The following CATSPERE variants were observed in gnomAD, a reference collection of about 807,000 sequenced individuals.
CATSPERE encodes catsper channel auxiliary subunit epsilon.
In CATSPERE, 93 loss-of-function variants were observed where a neutral mutation model predicts 114.1. That is an observed-to-expected ratio of 0.81 (90% CI 0.69 to 0.97). CATSPERE has a LOEUF of 0.97. CATSPERE is among the 50% of genes least tolerant of loss of function. CATSPERE has a pLI of 0.00. For synonymous variants in CATSPERE, 341 were observed against 384.1 expected, an observed-to-expected ratio of 0.89 and a Z score of 1.31; for missense variants, 1,058 against 1,131.6, an observed-to-expected ratio of 0.93 and a Z score of 0.93.
intron 19 of CATSPERE, among the ~76,000 whole-genome samples, chr1:244,611,982 TG>T (rs1190596073): frequency 1.3e-5 from 2 of 152,190 alleles, no homozygotes; most frequent in Non-Finnish European, 2.9e-5. Flanking sequence ...AGGTCTTGGT[TG>T]GGGCCCAAAA....
At chr1:244,632,338 G>A (rs1452082934) in intron 20 of CATSPERE, among the ~76,000 whole-genome samples, 1 of 137,242 alleles carries the variant, frequency 7.3e-6, no homozygotes. Context: ...AGGTTGCAGT[G>A]AGGCAAGATC....
intron 17 of CATSPERE, among the ~76,000 whole-genome samples, chr1:244,602,592 A>T (rs533720627): frequency 6.6e-6 from 1 of 152,314 alleles, no homozygotes; most frequent in East Asian, 1.9e-4. Flanking sequence ...TCTAGCTGGG[A>T]ACCCAAGTCA....
At chr1:244,551,440 A>ATATG (rs1558479085) in intron 8 of CATSPERE, among the ~76,000 whole-genome samples, 2 of 152,248 alleles carry the variant, frequency 1.3e-5, no homozygotes, top group Admixed American at 6.5e-5. Flanking sequence ...AAATTTATGT[A>ATATG]TATGTATGTA....
intron 8 of CATSPERE, among the ~76,000 whole-genome samples, chr1:244,528,554 G>A (rs779530406): frequency 6.6e-6 from 1 of 151,902 alleles, no homozygotes; most frequent in Non-Finnish European, 1.5e-5. Context: ...GGGTTTATGA[G>A]ATTATGATAT....
rs1183489431 is a variant in CATSPERE, at chr1:244,610,343, C to T, written c.2490+17C>T. On this transcript the variant is annotated intron_variant, in intron 19 of 21. Transcript: ENST00000366534. Reference sequence around the variant, plus strand: ...GGACCTGAGGTAAGAGAAACATTACCTTCCAGATTGTTTATTTGGAATAAC... The same window carrying T: ...GGACCTGAGGTAAGAGAAACATTACTTTCCAGATTGTTTATTTGGAATAAC... 1 of 1,561,502 alleles carries T rather than the reference C, an allele frequency of 6.4e-7. No homozygotes were observed. Among genetic ancestry groups the T allele is most frequent in the Non-Finnish European group, 8.8e-7 (1 of 1,133,142 alleles).
rs539959314 is a variant in CATSPERE at position 244,542,154 on chromosome 1, TAA to T, written c.537-10153_537-10152del. Among the ~76,000 whole-genome samples the T allele has an allele frequency of 1.3e-3, 188 of 140,484 alleles. 1 individual carries two copies. The highest frequency in any genetic ancestry group is 4.6e-3 in the African/African-American group (177 of 38,562). 92.2% of individuals were successfully genotyped at this position (140,484 alleles called of 152,430 possible). Reference sequence around the variant, plus strand: ...CACATGTACCCTAAAACATAAAGTATAAAAAAAAAAAAAAAAGTAGAGCAGTG... The same window carrying T: ...CACATGTACCCTAAAACATAAAGTATAAAAAAAAAAAAAAGTAGAGCAGTG... On this transcript the variant is annotated intron_variant, in intron 8 of 21. Transcript: ENST00000366534.
intron 19 of CATSPERE, among the ~76,000 whole-genome samples, chr1:244,611,691 A>G (rs1670751303): frequency 6.6e-6 from 1 of 152,186 alleles, no homozygotes. Flanking sequence ...CTGATTTTTC[A>G]TTGAAGGACA....
intron 20 of CATSPERE, among the ~76,000 whole-genome samples, chr1:244,632,664 A>G (rs1674114025): frequency 6.6e-6 from 1 of 152,044 alleles, no homozygotes; most frequent in Non-Finnish European, 1.5e-5. Flanking sequence ...AACCTATAAA[A>G]GCCAATAGGG....
intron 13 of CATSPERE, among the ~76,000 whole-genome samples, chr1:244,587,416 C>G (rs1667159331): frequency 6.6e-6 from 1 of 152,164 alleles, no homozygotes. Flanking sequence ...TTGGGCATTT[C>G]CAGCCCATGA....
intron 7 of CATSPERE, chr1:244,515,326 T>C (rs1039254337): frequency 2.9e-5 from 28 of 981,554 alleles, no homozygotes; most frequent in Non-Finnish European, 3.3e-5. Flanking sequence ...CTCCTCTGGA[T>C]GGTGAGATTT....
intron 20 of CATSPERE, among the ~76,000 whole-genome samples, chr1:244,632,494 AG>A (rs1674092061): frequency 6.6e-6 from 1 of 152,040 alleles, no homozygotes; most frequent in African/African-American, 2.4e-5. Flanking sequence ...AATGGCACAA[AG>A]GATGGGAGTA....
chr1:244,451,603 C>T (rs1338896055), upstream of CATSPERE: 2 of 1,580,860 alleles, frequency 1.3e-6, no homozygotes, highest in Non-Finnish European at 1.7e-6. This position sits in a 1 kb window ranked among gnomAD's most constrained non-coding sequence, Gnocchi z 6.6. Context: ...GCTCCCGGGC[C>T]CGGCTTCCCA....
At chr1:244,524,382 A>C (rs1678153064) in intron 8 of CATSPERE, among the ~76,000 whole-genome samples, 1 of 150,642 alleles carries the variant, frequency 6.6e-6, no homozygotes, top group African/African-American at 2.5e-5. Context: ...AACCATAAAA[A>C]CCCTAGAAGA....
intron 7 of CATSPERE, among the ~76,000 whole-genome samples, chr1:244,517,764 C>T (rs1323452769): frequency 7.0e-6 from 1 of 142,500 alleles, no homozygotes; most frequent in East Asian, 2.0e-4. Flanking sequence ...CACAGCAAAA[C>T]TCTTGTCTCA....
rs914287776 is a variant in CATSPERE at position 244,573,823 on chromosome 1, C to T, written c.1950+1051C>T. Among the ~76,000 whole-genome samples the T allele has an allele frequency of 6.6e-6, 1 of 152,204 alleles. No homozygotes were observed. Among genetic ancestry groups the T allele is most frequent in the Non-Finnish European group, 1.5e-5 (1 of 68,042 alleles). On this transcript the variant is annotated intron_variant, in intron 11 of 21. Transcript: ENST00000366534. The surrounding 1 kb of genome is among the most constrained non-coding windows in gnomAD (Gnocchi z 4.0). ...CATGCATATGGGAATGGGAAAAATT[C>T]TTGCAGCCATCTTTGCAAACAATGT...
rs1294431467 is a variant in CATSPERE at position 244,633,592 on chromosome 1, T to C, written c.2649-1897T>C. Among the ~76,000 whole-genome samples, 1 of 152,106 alleles carries C rather than the reference T, an allele frequency of 6.6e-6. No individual in the cohort carries two copies. The highest frequency in any genetic ancestry group is 6.5e-5 in the Admixed American group (1 of 15,272). On this transcript the variant is annotated intron_variant, in intron 20 of 21. Coordinates refer to ENST00000366534, the MANE Select transcript of CATSPERE (RefSeq NM_001130957.2). The surrounding 1 kb of genome is among the most constrained non-coding windows in gnomAD (Gnocchi z 4.1). ...ATTCCTAAGCCTTTCATTAAAGCCC[T>C]CTGGAGGACACATGTGCAGGCATGA...
chr1:244,455,374 C>T (rs1666050832), intron 1 of CATSPERE, among the ~76,000 whole-genome samples: 1 of 152,144 alleles, frequency 6.6e-6, no homozygotes, highest in South Asian at 2.1e-4. Context: ...CTCTTTGAGA[C>T]ACCTGTGTGT....
Position 244,518,698 on chromosome 1 carries a change from G to A in CATSPERE, c.536G>A (p.Gly179Glu). ...TCTTCAAATGAGAAAATGAGAAGGGGGTATTTAATTTTTTTTAATTTTAAA... is the reference window on the plus strand; with the variant it reads ...TCTTCAAATGAGAAAATGAGAAGGGAGTATTTAATTTTTTTTAATTTTAAA... ...VYSSNEKMRR[G>E]TWRIVVPMTK... The change falls in exon 8 of 22, where the codon GGG becomes GAG. Residue 179 changes from glycine (G) to glutamate (E), a missense_variant and splice_region_variant. This residue lies in a region of CATSPERE where 271 missense variants were observed against 225.9 expected (regional missense o/e 1.20). Transcript: ENST00000366534. 1 of 1,446,016 alleles carries A rather than the reference G, an allele frequency of 6.9e-7. No individual in the cohort carries two copies. The highest frequency in any genetic ancestry group is 9.4e-7 in the Non-Finnish European group (1 of 1,063,976). 89.6% of individuals were successfully genotyped at this position (1,446,016 alleles called of 1,614,324 possible).
chr1:244,598,646 C>T (rs1487303282), intron 17 of CATSPERE: 3 of 306,270 alleles, frequency 9.8e-6, no homozygotes, highest in African/African-American at 2.2e-5. Flanking sequence ...ACTGGACACA[C>T]TTCTAAACAA....
Sources: gnomAD v4.1 joint callset for allele counts (sites outside exome capture counted in the v4.1 genomes callset) on GRCh38, gnomAD v4.1.1 for gene constraint, gnomAD v4.1.1 regional missense constraint, Gnocchi (gnomAD v3.1) non-coding constraint, MANE v1.5 for transcripts, NCBI Gene and HGNC (gene_info 2026-07-23, HGNC 2026-07-21) for gene names.